IWS1: variants seen among roughly 807,000 people sequenced by gnomAD.
The protein encoded by IWS1 is protein IWS1 homolog.
A neutral mutation model predicts 86.7 loss-of-function variants in IWS1; 27 were observed. That is an observed-to-expected ratio of 0.31 (90% CI 0.23 to 0.43). The LOEUF (loss-of-function observed/expected upper bound fraction) is 0.43, where lower values mean the gene tolerates loss of function less well. IWS1 is among the 20% of genes least tolerant of loss of function. The probability of loss-of-function intolerance (pLI) is 1.00; values close to 1 mark genes in which losing one functional copy is unlikely to be tolerated. For missense variants in IWS1, 827 were observed against 1,000.8 expected (o/e 0.83, Z 2.34); for synonymous variants, 313 against 335.1 (o/e 0.93, Z 0.72).
Position 127,489,101 on chromosome 2 carries a change from C to T in IWS1, c.2216+78G>A, listed in dbSNP as rs1421233036. Reference sequence around the variant, plus strand: ...CACAAATGAGAGCATAACATCATTTCATTTACTACTTTTCTTAAAGCAGCA... The same window carrying T: ...CACAAATGAGAGCATAACATCATTTTATTTACTACTTTTCTTAAAGCAGCA... On this transcript the variant is annotated intron_variant, in intron 12 of 13. Transcript: ENST00000295321. The surrounding 1 kb of genome is among the most constrained non-coding windows in gnomAD (Gnocchi z 4.8). The T allele has an allele frequency of 5.0e-6, 5 of 1,003,632 alleles. No homozygotes were observed. In the African/African-American group the frequency reaches 6.5e-5, roughly 13 times the overall value. The allele number at this position is 1,003,632 out of a possible 1,614,324, so 62.2% of individuals were successfully genotyped here. A position where few individuals can be genotyped will look rare whatever the true frequency, so the allele number is the denominator to read the frequency against.
intron 2 of IWS1, among the ~76,000 whole-genome samples, chr2:127,510,336 G>A (rs1184641052): frequency 6.6e-6 from 1 of 152,078 alleles, no homozygotes; most frequent in Non-Finnish European, 1.5e-5. Context: ...AAACTCCCAA[G>A]CACACACTTA....
At position 127,496,168 on chromosome 2, in the gene IWS1, C is replaced by A; in HGVS notation, c.1566-20G>T. On this transcript the variant is annotated intron_variant, in intron 6 of 13. Coordinates refer to ENST00000295321, the MANE Select transcript of IWS1 (RefSeq NM_017969.3). ...TCCATACTAAAGCAGTAAACAAAAG[C>A]AAGTGAAATACAAGTTGTCTTTTAA... The A allele has an allele frequency of 6.3e-7, 1 of 1,595,470 alleles. No individual in the cohort carries two copies. Among genetic ancestry groups the A allele is most frequent in the Non-Finnish European group, 8.5e-7 (1 of 1,173,806 alleles).
chr2:127,481,762 C>T (rs1689642317), intron 13 of IWS1, among the ~76,000 whole-genome samples: 1 of 152,166 alleles, frequency 6.6e-6, no homozygotes, highest in Non-Finnish European at 1.5e-5. Flanking sequence ...AGGGTAGGTA[C>T]TCCTTCCAGA....
In IWS1 at chr2:127,505,777, T is replaced by C. The variant is rs112468137; in HGVS notation, c.151-25A>G. Reference sequence around the variant, plus strand: ...TCTGAAAAATAAAGTGAGAAAAAATTAGGAAAGTGCAAAAAAAAAAAAACC... The same window carrying C: ...TCTGAAAAATAAAGTGAGAAAAAATCAGGAAAGTGCAAAAAAAAAAAAACC... On this transcript the variant is annotated intron_variant, in intron 2 of 13. Transcript: ENST00000295321. This position sits in a 1 kb window ranked among gnomAD's most constrained non-coding sequence, Gnocchi z 5.0. The C allele has an allele frequency of 2.9e-6, 4 of 1,388,840 alleles. No homozygotes were observed. The highest frequency in any genetic ancestry group is 3.0e-5 in the African/African-American group (2 of 67,178). 86.0% of individuals were successfully genotyped at this position (1,388,840 alleles called of 1,614,324 possible).
chr2:127,504,621 C>G, intron 3 of IWS1, 63 bp downstream of exon 3: 1 of 1,153,236 alleles, frequency 8.7e-7, no homozygotes, highest in Non-Finnish European at 1.3e-6. Context: ...ATACAATGTT[C>G]CACAGTTACA....
intron 5 of IWS1, among the ~76,000 whole-genome samples, chr2:127,502,389 T>C (rs1000275938): frequency 2.0e-5 from 3 of 152,214 alleles, no homozygotes; most frequent in Non-Finnish European, 4.4e-5. Context: ...ATTACCACTT[T>C]AGGTTTCTCT....
intron 2 of IWS1, among the ~76,000 whole-genome samples, chr2:127,520,506 A>T (rs1573569503): frequency 6.6e-6 from 1 of 152,302 alleles, no homozygotes; most frequent in South Asian, 2.1e-4. Context: ...CTCTTTTAAC[A>T]TCCCATTACT....
At chr2:127,508,747 C>A (rs1480815945) in intron 2 of IWS1, among the ~76,000 whole-genome samples, 4 of 152,126 alleles carry the variant, frequency 2.6e-5, no homozygotes, top group African/African-American at 9.7e-5. Flanking sequence ...CTCAGCTATA[C>A]CCTGTCTAGA....
At chr2:127,516,322 C>T (rs1239989991) in intron 2 of IWS1, among the ~76,000 whole-genome samples, 6 of 152,030 alleles carry the variant, frequency 3.9e-5, no homozygotes, top group African/African-American at 1.2e-4. Context: ...CCAGCCTGGG[C>T]GACAGTGAGA....
At chr2:127,515,772 C>T (rs1691733014) in intron 2 of IWS1, among the ~76,000 whole-genome samples, 1 of 152,168 alleles carries the variant, frequency 6.6e-6, no homozygotes, top group Non-Finnish European at 1.5e-5. Flanking sequence ...TCCTTCCAAC[C>T]TCACAATTCA....
intron 8 of IWS1, chr2:127,494,584 A>C (rs1201311732): frequency 5.2e-6 from 1 of 192,358 alleles, no homozygotes; most frequent in African/African-American, 2.3e-5. Flanking sequence ...CAACATAGCA[A>C]GATCCTGTCT....
chr2:127,485,078 G>C (rs1411151711), intron 13 of IWS1, among the ~76,000 whole-genome samples: 1 of 152,132 alleles, frequency 6.6e-6, no homozygotes, highest in Non-Finnish European at 1.5e-5. Context: ...AGGTGGTCAG[G>C]GACACGGATA....
intron 12 of IWS1, 73 bp from the exon 13 acceptor site, chr2:127,486,737 T>A (rs1011304115): frequency 1.8e-6 from 2 of 1,125,358 alleles, no homozygotes; most frequent in Non-Finnish European, 2.7e-6. Flanking sequence ...CATTTCACAC[T>A]CCTGTTCCTA....
rs201043994 is a variant in IWS1 at position 127,486,543 on chromosome 2, G to A, written c.2328+10C>T. ...GTGAGATCCACCTTGCCGATCCTCC[G>A]CTTGCTTACCCTGGATGACTCCATT... On this transcript the variant is annotated intron_variant, in intron 13 of 13. Transcript: ENST00000295321. 71 of 1,595,836 alleles carry A rather than the reference G, an allele frequency of 4.4e-5. No individual in the cohort carries two copies. Among genetic ancestry groups the A allele is most frequent in the African/African-American group, 3.8e-4 (28 of 74,664 alleles).
intron 1 of IWS1, among the ~76,000 whole-genome samples, chr2:127,525,549 A>G (rs1692353790): frequency 6.6e-6 from 1 of 152,208 alleles, no homozygotes. Flanking sequence ...TGCCTCACTT[A>G]TCCTTAATCT....
Position 127,505,832 on chromosome 2 carries a change from T to C in IWS1, c.151-80A>G. 2.0e-6 allele frequency: 2 copies of C among 1,006,120 alleles called. 1 individual carries two copies. The highest frequency in any genetic ancestry group is 3.5e-5 in the South Asian group (2 of 56,568). The allele number at this position is 1,006,120 out of a possible 1,614,324, so 62.3% of individuals were successfully genotyped here. On this transcript the variant is annotated intron_variant, in intron 2 of 13. Coordinates refer to ENST00000295321, the MANE Select transcript of IWS1 (RefSeq NM_017969.3). The surrounding 1 kb of genome is among the most constrained non-coding windows in gnomAD (Gnocchi z 5.0). ...ATAATAAAACATTAAATTTTTTCTG[T>C]GATTTTTTTAAAATACAGGATTATG...
intron 2 of IWS1, among the ~76,000 whole-genome samples, chr2:127,513,960 C>T (rs1264951524): frequency 6.6e-6 from 1 of 152,144 alleles, no homozygotes; most frequent in Non-Finnish European, 1.5e-5. Context: ...TGAAATGTGA[C>T]CTTCAAGCCA....
rs149283550 is a variant in IWS1, at chr2:127,503,249, T to C, written c.1409+138A>G. The C allele has an allele frequency of 1.5e-4, 92 of 613,218 alleles. No individual in the cohort carries two copies. In the East Asian group the frequency reaches 2.3e-3, roughly 15 times the overall value. 38.0% of individuals were successfully genotyped at this position (613,218 alleles called of 1,614,324 possible). Reference sequence around the variant, plus strand: ...TGAATTCTGAGATTCACCCACATTGTAGTGTGTTCAGTTCAGGAACTAAAA... The same window carrying C: ...TGAATTCTGAGATTCACCCACATTGCAGTGTGTTCAGTTCAGGAACTAAAA... On this transcript the variant is annotated intron_variant, in intron 4 of 13. Transcript: ENST00000295321.
Position 127,499,999 on chromosome 2 carries a change from G to A in IWS1, c.1468-1762C>T, listed in dbSNP as rs952566887. On this transcript the variant is annotated intron_variant, in intron 5 of 13. Coordinates refer to ENST00000295321, the MANE Select transcript of IWS1 (RefSeq NM_017969.3). This position sits in a 1 kb window ranked among gnomAD's most constrained non-coding sequence, Gnocchi z 4.0. ...ATTATACAATTAAATGTGAAAGACTGAATAATCAAGCTTCTAGAAGATAAC... is the reference window on the plus strand; with the variant it reads ...ATTATACAATTAAATGTGAAAGACTAAATAATCAAGCTTCTAGAAGATAAC... Among the ~76,000 whole-genome samples the A allele has an allele frequency of 5.3e-5, 8 of 152,138 alleles. No individual in the cohort carries two copies. The highest frequency in any genetic ancestry group is 7.4e-5 in the Non-Finnish European group (5 of 68,008).
Sources: allele counts gnomAD v4.1 joint callset (sites outside exome capture counted in the v4.1 genomes callset), GRCh38; gene constraint gnomAD v4.1.1; non-coding constraint Gnocchi (gnomAD v3.1); transcripts MANE v1.5; gene names NCBI Gene and HGNC (gene_info 2026-07-23, HGNC 2026-07-21).